The following DSG1 variants were observed in gnomAD, a reference collection of about 807,000 sequenced individuals.
DSG1 encodes desmoglein 1.
A neutral mutation model predicts 97.5 loss-of-function variants in DSG1; 39 were observed. That is an observed-to-expected ratio of 0.40 (90% CI 0.31 to 0.52). DSG1 has a LOEUF of 0.52. Among genes scored for constraint, DSG1 ranks in the 20% least tolerant of loss-of-function variants. DSG1 has a pLI of 0.53. For missense variants in DSG1, 1,311 were observed against 1,295.4 expected (o/e 1.01, Z -0.18); for synonymous variants, 475 against 443.4 (o/e 1.07, Z -0.90).
intron 1 of DSG1, among the ~76,000 whole-genome samples, chr18:31,318,895 C>T (rs1048797397): frequency 4.6e-5 from 7 of 151,942 alleles, no homozygotes; most frequent in South Asian, 2.1e-4. Flanking sequence ...TAAAAAGCCC[C>T]GCACTATTTA....
intron 14 of DSG1, among the ~76,000 whole-genome samples, chr18:31,350,513 C>T (rs1056561991): frequency 6.6e-6 from 1 of 150,752 alleles, no homozygotes; most frequent in Non-Finnish European, 1.5e-5. Context: ...CTCTCTTTTT[C>T]TATTGATTGG....
chr18:31,321,668 C>G (rs2071654961), intron 1 of DSG1, among the ~76,000 whole-genome samples: 1 of 152,178 alleles, frequency 6.6e-6, no homozygotes. Context: ...TTTGTCATCC[C>G]TGTTTTAGGA....
At chr18:31,331,408 T>C (rs1284907168) in intron 5 of DSG1, among the ~76,000 whole-genome samples, 3 of 151,994 alleles carry the variant, frequency 2.0e-5, no homozygotes, top group Non-Finnish European at 4.4e-5. Flanking sequence ...CACAGCATCC[T>C]TTAAAAAAGA....
At chr18:31,345,424 C>G (rs2071824147) in intron 13 of DSG1, 2 of 154,236 alleles carry the variant, frequency 1.3e-5, no homozygotes, top group African/African-American at 4.8e-5. Flanking sequence ...CTAATGTTCT[C>G]TATATAGTTC....
chr18:31,355,911 T>G lies in DSG1; in HGVS notation c.*565T>G, dbSNP rs1408182489. The stretch of plus-strand genomic sequence containing the variant: ...AATTATTGCACTAGAGAAAATAAAT[T>G]CCAAATTAGGAAGTGTTTCCTAGGA... On this transcript the variant is annotated 3_prime_UTR_variant, in exon 15 of 15. Coordinates refer to ENST00000257192, the MANE Select transcript of DSG1 (RefSeq NM_001942.4). The G allele has an allele frequency of 2.0e-5, 3 of 153,216 alleles. No individual in the cohort carries two copies. The highest frequency in any genetic ancestry group is 4.4e-5 in the Non-Finnish European group (3 of 68,850). The allele number at this position is 153,216 out of a possible 1,614,324, so 9.5% of individuals were successfully genotyped here.
intron 8 of DSG1, among the ~76,000 whole-genome samples, chr18:31,334,715 T>A (rs971151939): frequency 2.8e-4 from 42 of 152,176 alleles, no homozygotes; most frequent in African/African-American, 1.0e-3. Flanking sequence ...CTGTGGCTGC[T>A]GATCAAGGCT....
intron 13 of DSG1, among the ~76,000 whole-genome samples, chr18:31,345,632 G>A (rs1327518024): frequency 5.4e-5 from 6 of 111,984 alleles, no homozygotes; most frequent in Non-Finnish European, 8.8e-5. Flanking sequence ...TTATACACTG[G>A]GGCTTCTAGT....
chr18:31,345,108 C>T (rs1200400946), intron 13 of DSG1, among the ~76,000 whole-genome samples: 1 of 152,150 alleles, frequency 6.6e-6, no homozygotes, highest in Non-Finnish European at 1.5e-5. Context: ...TCATCAAATC[C>T]ATCAGTATTT....
At chr18:31,333,348 G>A (rs75706028) in intron 6 of DSG1, among the ~76,000 whole-genome samples, 3 of 151,952 alleles carry the variant, frequency 2.0e-5, no homozygotes, top group African/African-American at 7.3e-5. Flanking sequence ...TCAACCTCTG[G>A]ACATATTATT....
intron 1 of DSG1, among the ~76,000 whole-genome samples, chr18:31,322,803 G>C (rs913884201): frequency 1.3e-5 from 2 of 152,134 alleles, no homozygotes; most frequent in African/African-American, 4.8e-5. Flanking sequence ...ATTATTAAAT[G>C]CAAGAGATTT....
chr18:31,324,680 G>A (rs11875560), intron 1 of DSG1, among the ~76,000 whole-genome samples: 60,011 of 151,472 alleles, frequency 0.4, 13,362 homozygotes, highest in Non-Finnish European at 0.49. Context: ...CCCTGCCAAT[G>A]CTATGCTGCA....
At chr18:31,336,062 A>G (rs1023535602) in intron 8 of DSG1, among the ~76,000 whole-genome samples, 2 of 152,042 alleles carry the variant, frequency 1.3e-5, no homozygotes, top group Non-Finnish European at 2.9e-5. Context: ...CATACATTTG[A>G]CTATCTGTAT....
chr18:31,318,410 T>A lies in DSG1; in HGVS notation c.48+62T>A, dbSNP rs1251488482. ...CCCATTGTAAACAAGTGAAAACTTT[T>A]TAGAAAATGTTAGTGGGCATTATTT... On this transcript the variant is annotated intron_variant, in intron 1 of 14. Transcript: ENST00000257192. 1.0e-5 allele frequency: 13 copies of A among 1,287,204 alleles called. 1 individual carries two copies. The Admixed American group carries it at 1.5e-4, about 15-fold the overall frequency. The allele number at this position is 1,287,204 out of a possible 1,614,324, so 79.7% of individuals were successfully genotyped here.
In DSG1 at chr18:31,343,993, C is replaced by A; in HGVS notation, c.1889C>A (p.Ser630Ter). ...NANIIECIDN[S>*]GVYTNEYGGR... ...AATATAATTGAATGCATTGACAACTCAGGTAAGAAAAAAGAATTTGTTTAA... is the reference window on the plus strand; with the variant it reads ...AATATAATTGAATGCATTGACAACTAAGGTAAGAAAAAAGAATTTGTTTAA... Residue 630 changes from serine to a stop codon, truncating the protein, a stop_gained and splice_region_variant, in exon 13 of 15, where the codon TCA (serine) becomes TAA (stop). Transcript: ENST00000257192. LOFTEE classifies it high-confidence loss of function. 1 of 1,609,422 alleles carries A rather than the reference C, an allele frequency of 6.2e-7. No individual in the cohort carries two copies. Among genetic ancestry groups the A allele is most frequent in the South Asian group, 1.1e-5 (1 of 90,926 alleles).
Position 31,336,667 on chromosome 18 carries a change from T to C in DSG1, c.1265+54T>C, listed in dbSNP as rs2071756434. 2.6e-6 allele frequency: 4 copies of C among 1,560,880 alleles called. 1 individual carries two copies. The highest frequency in any genetic ancestry group is 3.4e-4 in the Middle Eastern group (2 of 5,954). ...CTTACATATTGAACTTAAGTACATA[T>C]GTTCTTTTTATAGATTATAAGTATC... On this transcript the variant is annotated intron_variant, in intron 9 of 14. Coordinates refer to ENST00000257192, the MANE Select transcript of DSG1 (RefSeq NM_001942.4).
intron 13 of DSG1, among the ~76,000 whole-genome samples, chr18:31,345,742 T>C (rs2071827620): frequency 6.6e-6 from 1 of 152,210 alleles, no homozygotes; most frequent in Admixed American, 6.5e-5. Context: ...TTTTAAGTCC[T>C]CTGCAGCCTT....
At chr18:31,323,808 C>A (rs2071668364) in intron 1 of DSG1, among the ~76,000 whole-genome samples, 1 of 152,048 alleles carries the variant, frequency 6.6e-6, no homozygotes, top group Non-Finnish European at 1.5e-5. Flanking sequence ...TCCCTCAGAA[C>A]CTCAGGATTT....
Position 31,341,878 on chromosome 18 carries a change from T to C in DSG1, c.1688-1572T>C, listed in dbSNP as rs977935360. Among the ~76,000 whole-genome samples the C allele has an allele frequency of 4.6e-5, 7 of 152,240 alleles. No individual in the cohort carries two copies. In the East Asian group the frequency reaches 1.2e-3, roughly 25 times the overall value. On this transcript the variant is annotated intron_variant, in intron 11 of 14. Coordinates refer to ENST00000257192, the MANE Select transcript of DSG1 (RefSeq NM_001942.4). ...ATCACTACTGTAAATAATACCTAAC[T>C]TTCATGTTGAGTTTTGTTTGTTTGT...
Position 31,358,141 on chromosome 18 carries a change from TTAA to T in DSG1, c.*2798_*2800del, listed in dbSNP as rs1469372154. Among the ~76,000 whole-genome samples the T allele has an allele frequency of 6.6e-6, 1 of 151,998 alleles. No individual in the cohort carries two copies. The highest frequency in any genetic ancestry group is 1.9e-4 in the East Asian group (1 of 5,196). ...AACAAAAGGAAAAAGAAATAGTAATTTAATACTATGTATGTATGGTTTGAAAAC... is the reference window on the plus strand; with the variant it reads ...AACAAAAGGAAAAAGAAATAGTAATTTACTATGTATGTATGGTTTGAAAAC... On this transcript the variant is annotated 3_prime_UTR_variant, in exon 15 of 15. Transcript: ENST00000257192.
Sources: gnomAD v4.1 joint callset for allele counts (sites outside exome capture counted in the v4.1 genomes callset) on GRCh38, gnomAD v4.1.1 for gene constraint, MANE v1.5 for transcripts, NCBI Gene and HGNC (gene_info 2026-07-23, HGNC 2026-07-21) for gene names.